The following FRMD4A variants were observed in gnomAD, a reference collection of about 807,000 sequenced individuals.
FRMD4A encodes FERM domain-containing protein 4A.
Under a neutral mutation model 129.1 loss-of-function variants are expected in FRMD4A, and 29 were observed. The ratio of observed to expected loss-of-function variants is 0.22; its 90% confidence interval spans 0.17 to 0.31. The LOEUF (loss-of-function observed/expected upper bound fraction) is 0.31, where lower values mean the gene tolerates loss of function less well. Among genes scored for constraint, FRMD4A ranks in the 10% least tolerant of loss-of-function variants. FRMD4A has a pLI of 1.00. For synonymous variants in FRMD4A, 634 were observed against 571.6 expected (o/e 1.11, Z -1.56); for missense variants, 1,272 against 1,375.8 (o/e 0.92, Z 1.19).
intron 2 of FRMD4A, among the ~76,000 whole-genome samples, chr10:14,078,290 G>C (rs943193859): frequency 1.3e-5 from 2 of 152,210 alleles, no homozygotes; most frequent in African/African-American, 4.8e-5. Flanking sequence ...TCATTAAGCT[G>C]TGTCCTTTGT....
At chr10:13,897,922 CAG>C (rs1230442616) in intron 2 of FRMD4A, among the ~76,000 whole-genome samples, 1 of 116,306 alleles carries the variant, frequency 8.6e-6, no homozygotes, top group Admixed American at 1.1e-4. Context: ...GGGTGACAGA[CAG>C]AGACTCCGAC....
At chr10:14,222,731 A>G (rs145088416) in intron 2 of FRMD4A, among the ~76,000 whole-genome samples, 1,532 of 151,624 alleles carry the variant, frequency 0.01, 27 homozygotes, top group African/African-American at 0.035. Flanking sequence ...ATCTCCTTGG[A>G]AAAAAAAACA....
In FRMD4A at chr10:13,646,861, G is replaced by C. The variant is rs1411034013; in HGVS notation, c.*177C>G. On this transcript the variant is annotated 3_prime_UTR_variant, in exon 25 of 25. Transcript: ENST00000357447. ...GCTGGTGCAGGGTGACGGTGCGTCT[G>C]GGTAAGGCAAATGAGAGGCAGTGAG... The C allele has an allele frequency of 7.8e-6, 2 of 257,582 alleles. No individual in the cohort carries two copies. The highest frequency in any genetic ancestry group is 1.2e-5 in the Non-Finnish European group (2 of 163,842). 16.0% of individuals were successfully genotyped at this position (257,582 alleles called of 1,614,324 possible). A position where few individuals can be genotyped will look rare whatever the true frequency, so the allele number is the denominator to read the frequency against.
chr10:14,094,392 G>A (rs1255571883), intron 2 of FRMD4A, among the ~76,000 whole-genome samples: 5 of 152,182 alleles, frequency 3.3e-5, no homozygotes, highest in Admixed American at 2.6e-4. Flanking sequence ...GAAGCAAGTG[G>A]TAATTAGAAT....
At chr10:13,758,709 A>G (rs1485716697) in intron 8 of FRMD4A, among the ~76,000 whole-genome samples, 5 of 152,122 alleles carry the variant, frequency 3.3e-5, no homozygotes, top group Admixed American at 1.3e-4. Flanking sequence ...CTTTTCGCTT[A>G]ATAATCCACT....
chr10:14,185,704 G>A (rs1451635816), intron 2 of FRMD4A, among the ~76,000 whole-genome samples: 4 of 152,170 alleles, frequency 2.6e-5, no homozygotes, highest in South Asian at 4.1e-4. Flanking sequence ...CTCAACAGTG[G>A]CACCTTCAGT....
chr10:14,008,061 C>T (rs1473576427), intron 2 of FRMD4A: 2 of 1,303,280 alleles, frequency 1.5e-6, no homozygotes, highest in Non-Finnish European at 2.0e-6. Flanking sequence ...GTAGCTTACC[C>T]TTTCAACGCT....
rs11258559 is a variant in FRMD4A at position 13,727,347 on chromosome 10, G to A, written c.759+10497C>T. On this transcript the variant is annotated intron_variant, in intron 12 of 24. Transcript: ENST00000357447. ...GACTGAAGGACGTACGCCCTCTCCC[G>A]GAATCGTCTCAGCTACAGAGAACCA... Among the ~76,000 whole-genome samples, 1,620 of 152,212 alleles carry A rather than the reference G, an allele frequency of 0.011. 67 individuals carry two copies. The East Asian group carries it at 0.12, about 11-fold the overall frequency.
At chr10:13,737,738 T>C in intron 12 of FRMD4A, 106 bp downstream of exon 12, 2 of 647,110 alleles carry the variant, frequency 3.1e-6, no homozygotes, top group Non-Finnish European at 5.6e-6. Context: ...AGCAGGAGAT[T>C]GGTGAGCCTT....
At chr10:13,897,723 G>T (rs1232334254) in intron 2 of FRMD4A, among the ~76,000 whole-genome samples, 3 of 151,988 alleles carry the variant, frequency 2.0e-5, no homozygotes, top group Non-Finnish European at 4.4e-5. Flanking sequence ...GATCACCTGA[G>T]GCCAGGAGTT....
chr10:14,185,805 G>A lies in FRMD4A; in HGVS notation c.45+144253C>T, dbSNP rs528600272. ...GTACAATCCAGACTAGTCCTGGGCG[G>A]AATAGGGTAGACAGGGCAGGGCCCA... On this transcript the variant is annotated intron_variant, in intron 2 of 24. Coordinates refer to ENST00000357447, the MANE Select transcript of FRMD4A (RefSeq NM_018027.5). Among the ~76,000 whole-genome samples the A allele has an allele frequency of 4.6e-5, 7 of 152,358 alleles. No homozygotes were observed. The South Asian group carries it at 1.5e-3, about 32-fold the overall frequency.
intron 9 of FRMD4A, chr10:13,744,448 T>G (rs1236181275): frequency 6.6e-6 from 1 of 152,194 alleles, no homozygotes; most frequent in African/African-American, 2.4e-5. Flanking sequence ...ATTATTATGC[T>G]GCTTTCACTG....
intron 2 of FRMD4A, chr10:13,891,644 A>G: frequency 1.0e-6 from 1 of 985,138 alleles, no homozygotes; most frequent in Non-Finnish European, 1.2e-6. Flanking sequence ...TTGCGCTTCC[A>G]AGGGATCCGA....
chr10:14,265,493 A>G (rs1844946697), intron 2 of FRMD4A, among the ~76,000 whole-genome samples: 1 of 152,238 alleles, frequency 6.6e-6, no homozygotes, highest in African/African-American at 2.4e-5. Flanking sequence ...AAAATTTTAA[A>G]AAGTAAATCA....
intron 14 of FRMD4A, among the ~76,000 whole-genome samples, chr10:13,700,172 T>C (rs1361029007): frequency 6.6e-6 from 1 of 151,902 alleles, no homozygotes; most frequent in African/African-American, 2.4e-5. Flanking sequence ...GGTCTGGAAT[T>C]CCTGAGCTCA....
At chr10:13,988,303 A>T (rs552620596) in intron 2 of FRMD4A, among the ~76,000 whole-genome samples, 56 of 152,204 alleles carry the variant, frequency 3.7e-4, no homozygotes, top group Non-Finnish European at 7.1e-4. Context: ...AAATTCTCAT[A>T]GTGGACTCTT....
intron 2 of FRMD4A, among the ~76,000 whole-genome samples, chr10:13,980,178 G>A (rs2095555700): frequency 6.6e-6 from 1 of 152,120 alleles, no homozygotes; most frequent in Non-Finnish European, 1.5e-5. Flanking sequence ...TTTCTCAAGG[G>A]GAAAAAGAAA....
At chr10:13,829,798 G>C (rs942377277) in intron 3 of FRMD4A, among the ~76,000 whole-genome samples, 1 of 152,214 alleles carries the variant, frequency 6.6e-6, no homozygotes, top group African/African-American at 2.4e-5. Context: ...ATTCAGGAGA[G>C]CCAGGAGAAA....
intron 2 of FRMD4A, among the ~76,000 whole-genome samples, chr10:14,155,276 C>A (rs768094567): frequency 1.7e-4 from 26 of 152,174 alleles, no homozygotes; most frequent in African/African-American, 6.0e-4. Context: ...GCCTGGGAGA[C>A]AGAGCAAGAC....
Sources: gnomAD v4.1 joint callset for allele counts (sites outside exome capture counted in the v4.1 genomes callset) on GRCh38, gnomAD v4.1.1 for gene constraint, MANE v1.5 for transcripts, NCBI Gene and HGNC (gene_info 2026-07-23, HGNC 2026-07-21) for gene names.